NFX1: variants seen among roughly 807,000 people sequenced by gnomAD.
The protein encoded by NFX1 is transcriptional repressor NF-X1.
A neutral mutation model predicts 137.2 loss-of-function variants in NFX1; 69 were observed. The observed-to-expected ratio is 0.50, with a 90% CI of 0.41 to 0.61. The LOEUF (loss-of-function observed/expected upper bound fraction) is 0.61, where lower values mean the gene tolerates loss of function less well. Ranked by LOEUF, NFX1 falls within the 20% of genes least tolerant of loss-of-function variation. The pLI is 0.00. For missense variants in NFX1, 1,167 were observed against 1,391.0 expected, an observed-to-expected ratio of 0.84 and a Z score of 2.56; for synonymous variants, 495 against 474.1, an observed-to-expected ratio of 1.04 and a Z score of -0.57.
rs545811499 is a variant in NFX1, at chr9:33,347,787, A to G, written c.2424+670A>G. On this transcript the variant is annotated intron_variant, in intron 15 of 23. Coordinates refer to ENST00000379540, the MANE Select transcript of NFX1 (RefSeq NM_002504.6). ...AAATGTGGAACCAGCCCAACTGCCC[A>G]TCAGTCAACAAGTGGATAAAGAAAT... is the stretch of plus-strand genomic sequence containing the variant. The G allele has an allele frequency of 1.7e-4, 51 of 306,592 alleles. 2 individuals are homozygous for G. Among genetic ancestry groups the G allele is most frequent in the South Asian group, 1.4e-3 (51 of 36,742 alleles). 19.0% of individuals were successfully genotyped at this position (306,592 alleles called of 1,614,324 possible).
intron 2 of NFX1, among the ~76,000 whole-genome samples, chr9:33,298,795 T>A (rs570120961): frequency 7.0e-4 from 106 of 151,648 alleles, no homozygotes; most frequent in Middle Eastern, 6.8e-3. Flanking sequence ...AAAAAAAAAA[T>A]ATTATTAAGC....
intron 13 of NFX1, among the ~76,000 whole-genome samples, chr9:33,343,411 G>A (rs1176410892): frequency 6.6e-6 from 1 of 152,096 alleles, no homozygotes; most frequent in Non-Finnish European, 1.5e-5. Context: ...TTTAATAGAA[G>A]GTAGCTGGAT....
chr9:33,322,170 C>T (rs1822410820), intron 9 of NFX1, among the ~76,000 whole-genome samples: 1 of 149,768 alleles, frequency 6.7e-6, no homozygotes, highest in Non-Finnish European at 1.5e-5. Flanking sequence ...CACTGCACTC[C>T]AGCCTAGGTG....
rs62542737 is a variant in NFX1 at position 33,367,521 on chromosome 9, G to A, written c.3192G>A (p.Lys1064=). The A allele has an allele frequency of 1.4e-5, 23 of 1,613,816 alleles. No homozygotes were observed. Among genetic ancestry groups the A allele is most frequent in the South Asian group, 9.9e-5 (9 of 91,080 alleles). Residue 1064 remains lysine, a synonymous_variant, in exon 23 of 24, where the codon AAG becomes AAA. Transcript: ENST00000379540. ...RNVVVTAIRG[K]SVCPPTTLTG... is the part of the protein sequence containing the mutation. ...GTGTTTTGACTTTTATCAGGGGGAA[G>A]TCCGTTTGTCCTCCTACCACGCTGA...
chr9:33,303,472 A>G (rs540910181), intron 4 of NFX1, among the ~76,000 whole-genome samples: 2 of 152,272 alleles, frequency 1.3e-5, no homozygotes, highest in African/African-American at 4.8e-5. Flanking sequence ...GAGATGGCCA[A>G]CCAGGCTCAT....
chr9:33,350,424 T>C (rs537970196), intron 15 of NFX1, among the ~76,000 whole-genome samples: 6 of 152,322 alleles, frequency 3.9e-5, no homozygotes, highest in Admixed American at 2.6e-4. Flanking sequence ...TGACTCTGCT[T>C]TAGCAGTTCA....
chr9:33,309,414 G>A (rs1422249872), intron 5 of NFX1, among the ~76,000 whole-genome samples: 1 of 151,658 alleles, frequency 6.6e-6, no homozygotes. Context: ...AACCCTTCAT[G>A]ACTACCAGAG....
chr9:33,315,454 T>C (rs971001880), intron 7 of NFX1, among the ~76,000 whole-genome samples: 6 of 152,170 alleles, frequency 3.9e-5, no homozygotes, highest in African/African-American at 1.4e-4. Flanking sequence ...CTCTCCTTCG[T>C]CTGCCTTTCT....
intron 11 of NFX1, among the ~76,000 whole-genome samples, chr9:33,336,643 C>T (rs1190094905): frequency 1.3e-5 from 2 of 152,088 alleles, no homozygotes; most frequent in East Asian, 1.9e-4. Flanking sequence ...TCTCTGTCAC[C>T]TTGACTGGAG....
intron 9 of NFX1, among the ~76,000 whole-genome samples, chr9:33,324,848 G>T (rs1436207380): frequency 6.6e-6 from 1 of 151,308 alleles, no homozygotes; most frequent in Non-Finnish European, 1.5e-5. Flanking sequence ...AGAATGGTGT[G>T]AACCTGGGAG....
At chr9:33,355,466 G>A (rs968687519) in intron 19 of NFX1, among the ~76,000 whole-genome samples, 1 of 152,026 alleles carries the variant, frequency 6.6e-6, no homozygotes, top group Non-Finnish European at 1.5e-5. Context: ...ATTTTTGTCT[G>A]GCTTCTTTCG....
chr9:33,360,642 C>T (rs896124372), intron 19 of NFX1, among the ~76,000 whole-genome samples: 1 of 152,082 alleles, frequency 6.6e-6, no homozygotes, highest in Non-Finnish European at 1.5e-5. Context: ...TACACGCATA[C>T]ACCTGTGTGT....
At chr9:33,308,830 C>T (rs1022786588) in intron 5 of NFX1, among the ~76,000 whole-genome samples, 1 of 152,044 alleles carries the variant, frequency 6.6e-6, no homozygotes, top group Non-Finnish European at 1.5e-5. Flanking sequence ...GGTATTTCTA[C>T]TGCTTGGAGG....
At chr9:33,361,736 G>A (rs1413188207) in intron 19 of NFX1, among the ~76,000 whole-genome samples, 1 of 152,058 alleles carries the variant, frequency 6.6e-6, no homozygotes, top group African/African-American at 2.4e-5. Context: ...TCATGCTATT[G>A]TACTCCAGCC....
intron 19 of NFX1, among the ~76,000 whole-genome samples, chr9:33,358,631 T>A (rs891890909): frequency 2.3e-4 from 34 of 145,308 alleles, no homozygotes; most frequent in South Asian, 6.6e-4. Flanking sequence ...GGCAAAAAAA[T>A]TCTGTGAATG....
At chr9:33,329,940 T>A (rs555863474) in intron 10 of NFX1, among the ~76,000 whole-genome samples, 1 of 152,226 alleles carries the variant, frequency 6.6e-6, no homozygotes, top group South Asian at 2.1e-4. Context: ...ATTACAGGTG[T>A]GCACCACCAC....
chr9:33,302,223 A>C (rs1002086802), intron 3 of NFX1, among the ~76,000 whole-genome samples: 5 of 152,044 alleles, frequency 3.3e-5, no homozygotes, highest in African/African-American at 1.2e-4. Flanking sequence ...GGATTCCAAC[A>C]CCTCAAATAT....
intron 9 of NFX1, among the ~76,000 whole-genome samples, 184 bp downstream of exon 9, chr9:33,319,311 T>G (rs1822295972): frequency 6.6e-6 from 1 of 152,232 alleles, no homozygotes; most frequent in Non-Finnish European, 1.5e-5. Context: ...CCCATACATT[T>G]GCCCAAATGA....
In NFX1 at chr9:33,364,714, CTT is replaced by C; in HGVS notation, c.2980_2981del (p.Leu994LysfsTer5). 6.2e-7 allele frequency: 1 copy of C among 1,613,216 alleles called. No individual in the cohort carries two copies. The highest frequency in any genetic ancestry group is 8.5e-7 in the Non-Finnish European group (1 of 1,179,698). ...TGGTGATTTCTCATTTCAGGAAGGA[CTT>C]AAAGTTTGTCAGTGACGTTGAGAAG... The part of the protein sequence containing the change: ...DSLKEDARKD[L>X]KFVSDVEKEM... On this transcript the variant is annotated frameshift_variant, in exon 21 of 24. Coordinates refer to ENST00000379540, the MANE Select transcript of NFX1 (RefSeq NM_002504.6). LOFTEE classifies it high-confidence loss of function.
Sources: allele counts gnomAD v4.1 joint callset (sites outside exome capture counted in the v4.1 genomes callset), GRCh38; gene constraint gnomAD v4.1.1; transcripts MANE v1.5; gene names NCBI Gene and HGNC (gene_info 2026-07-23, HGNC 2026-07-21).